The following MICALL2 variants were observed in gnomAD, a reference collection of about 807,000 sequenced individuals.
The protein encoded by MICALL2 is MICAL-like protein 2.
MICALL2 carries 111 observed loss-of-function variants against 91.1 expected under a neutral mutation model. The observed-to-expected ratio is 1.22, with a 90% confidence interval of 1.04 to 1.43. The LOEUF is 1.43. Among genes scored for constraint, MICALL2 ranks in the 40% most tolerant of loss-of-function variants. The probability of loss-of-function intolerance (pLI) is 0.00; values close to 1 mark genes in which losing one functional copy is unlikely to be tolerated. For synonymous variants in MICALL2, 694 were observed against 525.3 expected (o/e 1.32, Z -4.39); for missense variants, 1,556 against 1,236.0 (o/e 1.26, Z -3.88).
In MICALL2 at chr7:1,438,098, T is replaced by A. The variant is rs1300359706; in HGVS notation, c.2310A>T (p.Gly770=). 1.3e-6 allele frequency: 2 copies of A among 1,568,534 alleles called. No homozygotes were observed. Among genetic ancestry groups the A allele is most frequent in the Non-Finnish European group, 1.7e-6 (2 of 1,157,852 alleles). ...ELEKRLRAAE[G]DDAEDSLMVD... The stretch of plus-strand genomic sequence containing the variant: ...CCAGGGCCAGGCCGAGGCGCTCACC[T>A]CCCTCGGCCGCCCGCAGTCGCTTCT... The change falls in exon 12 of 17, where the codon GGA becomes GGT. Residue 770 remains glycine (G), a splice_region_variant and synonymous_variant. Coordinates refer to ENST00000297508, the MANE Select transcript of MICALL2 (RefSeq NM_182924.4).
At chr7:1,434,892 GC>G in intron 16 of MICALL2, 1 of 710,966 alleles carries the variant, frequency 1.4e-6, no homozygotes, top group Non-Finnish European at 2.3e-6. Context: ...GTCACCAGCT[GC>G]CCCTGGCTCT....
In MICALL2 at chr7:1,452,904, G is replaced by GGCC. The variant is rs1780886502; in HGVS notation, c.144-2619_144-2617dup. Among the ~76,000 whole-genome samples the GGCC allele has an allele frequency of 6.6e-6, 1 of 151,914 alleles. No homozygotes were observed. The highest frequency in any genetic ancestry group is 2.4e-5 in the African/African-American group (1 of 41,356). ...ATCCTGCCCCAAGCTCCTTCCCCAG[G>GGCC]GCCGGCCCTCCAGCCTCCAGACCAT... On this transcript the variant is annotated intron_variant, in intron 1 of 16. Transcript: ENST00000297508. The surrounding 1 kb of genome is among the most constrained non-coding windows in gnomAD (Gnocchi z 6.2).
rs1584198876 is a variant in MICALL2, at chr7:1,438,349, T to C, written c.2127A>G (p.Arg709=). 3.7e-6 allele frequency: 6 copies of C among 1,601,302 alleles called. No individual in the cohort carries two copies. The African/African-American group carries it at 8.0e-5, about 21-fold the overall frequency. Residue 709 remains arginine, a synonymous_variant, in exon 11 of 17, where the codon AGA becomes AGG. Transcript: ENST00000297508. ...KKPHLQGKPG[R]PLSPANVPAL... ...CAGGGACATTGGCCGGGGACAAGGG[T>C]CTCCCTGGAGAAGGAGCAGGGTGAG...
At chr7:1,442,164 G>A (rs1156289172) in intron 7 of MICALL2, 28 bp downstream of exon 7, 7 of 1,608,464 alleles carry the variant, frequency 4.4e-6, no homozygotes, top group Non-Finnish European at 5.9e-6. Flanking sequence ...GGCCCCCGGG[G>A]CCTCCTGCCT....
chr7:1,438,053 T>C (rs1319798277), intron 12 of MICALL2, 44 bp downstream of exon 12: 3 of 1,562,946 alleles, frequency 1.9e-6, no homozygotes, highest in Non-Finnish European at 2.6e-6. Flanking sequence ...ACTGAGGGTG[T>C]CTGTGGGAGT....
At chr7:1,458,920 T>C (rs573412424) in intron 1 of MICALL2, among the ~76,000 whole-genome samples, 250 of 152,334 alleles carry the variant, frequency 1.6e-3, no homozygotes, top group African/African-American at 5.6e-3. Context: ...GGGACTGGAC[T>C]GAAGCCAGGG....
chr7:1,440,987 C>G, intron 7 of MICALL2: 1 of 416,010 alleles, frequency 2.4e-6, no homozygotes, highest in South Asian at 2.2e-5. Flanking sequence ...GATCCTCTGT[C>G]CACCTGTGCA....
chr7:1,453,253 G>A (rs902999326), intron 1 of MICALL2, among the ~76,000 whole-genome samples: 5 of 152,132 alleles, frequency 3.3e-5, no homozygotes, highest in African/African-American at 4.8e-5. Context: ...GCCTCCTTTG[G>A]AGATAAGAGA....
chr7:1,434,700 T>C (rs1424636896), intron 16 of MICALL2, 28 bp from the exon 17 acceptor site: 1 of 1,529,092 alleles, frequency 6.5e-7, no homozygotes, highest in Non-Finnish European at 8.8e-7. Flanking sequence ...AGTGAGGCCG[T>C]GCTCAACGCC....
chr7:1,440,169 A>G (rs1039704701), intron 8 of MICALL2, 84 bp from the exon 9 acceptor site: 1 of 1,504,666 alleles, frequency 6.6e-7, no homozygotes, highest in Non-Finnish European at 8.8e-7. Context: ...CCATATGCAG[A>G]CCAGCCGGAG....
chr7:1,438,952 AG>A lies in MICALL2; in HGVS notation c.2009del (p.Pro670LeufsTer55), dbSNP rs1439172173. 1 of 1,603,122 alleles carries A rather than the reference AG, an allele frequency of 6.2e-7. No individual in the cohort carries two copies. Among genetic ancestry groups the A allele is most frequent in the Admixed American group, 1.7e-5 (1 of 59,996 alleles). On this transcript the variant is annotated frameshift_variant, in exon 10 of 17. Coordinates refer to ENST00000297508, the MANE Select transcript of MICALL2 (RefSeq NM_182924.4). LOFTEE classifies it high-confidence loss of function. ...AGTTGTCACAAACGTCGAGGCTGGC[AG>A]GGACGGCCAGTCTCCTGCGGCGGGG... ...SPPRRRRLAV[P>X]ASLDVCDNWL...
In MICALL2 at chr7:1,450,306, G is replaced by C. The variant is rs768784187; in HGVS notation, c.144-18C>G. ...TGAAGTTTCTGGAAGATAAAAACATGATGTCCAAAGCAGCTCAGAGTCCAC... is the reference window on the plus strand; with the variant it reads ...TGAAGTTTCTGGAAGATAAAAACATCATGTCCAAAGCAGCTCAGAGTCCAC... On this transcript the variant is annotated intron_variant, in intron 1 of 16. Transcript: ENST00000297508. 1 of 1,611,026 alleles carries C rather than the reference G, an allele frequency of 6.2e-7. No homozygotes were observed.
rs1206963897 is a variant in MICALL2 at position 1,445,354 on chromosome 7, G to T, written c.716C>A (p.Thr239Asn). ...AGAGGCGGCTGCGGGGAGGTGGCTGGTGCAGACGAAGGTGCCCGGCTCTCC... is the reference window on the plus strand; with the variant it reads ...AGAGGCGGCTGCGGGGAGGTGGCTGTTGCAGACGAAGGTGCCCGGCTCTCC... ...ATGEPGTFVCTSHLPAAASAS... is the reference protein window; with the variant it reads ...ATGEPGTFVCNSHLPAAASAS... The change falls in exon 6 of 17, where the codon ACC becomes AAC. Residue 239 changes from threonine to asparagine, a missense_variant. Physicochemically the swap from Thr to Asn is moderately conservative, Grantham distance 65. Transcript: ENST00000297508. The T allele has an allele frequency of 1.3e-6, 2 of 1,598,348 alleles. No individual in the cohort carries two copies. The highest frequency in any genetic ancestry group is 1.7e-6 in the Non-Finnish European group (2 of 1,176,694).
Position 1,440,584 on chromosome 7 carries a change from C to T in MICALL2, c.1805+7G>A, listed in dbSNP as rs753570642. ...CAGGCCCTGGGCCAGCCCCACCCAT[C>T]CCTAACCTCTCAGCTGGGCTTCTCC... On this transcript the variant is annotated splice_region_variant and intron_variant, in intron 8 of 16. Coordinates refer to ENST00000297508, the MANE Select transcript of MICALL2 (RefSeq NM_182924.4). 2.5e-6 allele frequency: 4 copies of T among 1,612,288 alleles called. No homozygotes were observed. The South Asian group carries it at 4.4e-5, about 18-fold the overall frequency.
At chr7:1,437,173 T>A in intron 14 of MICALL2, 2 of 483,132 alleles carry the variant, frequency 4.1e-6, no homozygotes, top group Non-Finnish European at 3.6e-6. Context: ...CCTGGGCCTG[T>A]GCCCTCAGCC....
intron 16 of MICALL2, 160 bp from the exon 17 acceptor site, chr7:1,434,832 C>G: frequency 1.3e-6 from 1 of 799,836 alleles, no homozygotes; most frequent in South Asian, 1.8e-5. Context: ...CACGTGAGAA[C>G]CTGCCCCGAC....
At chr7:1,438,484 C>A (rs556658340) in intron 10 of MICALL2, 131 bp from the exon 11 acceptor site, 11 of 1,478,104 alleles carry the variant, frequency 7.4e-6, no homozygotes, top group African/African-American at 1.4e-5. Flanking sequence ...ATGCCCCACA[C>A]GCCCACTGGA....
chr7:1,445,458 C>G (rs1780530459), intron 5 of MICALL2, 30 bp from the exon 6 acceptor site: 1 of 1,470,388 alleles, frequency 6.8e-7, no homozygotes, highest in Non-Finnish European at 9.0e-7. Flanking sequence ...GGAGCCCCAG[C>G]TCGGCACCGC....
At chr7:1,436,436 C>A (rs1779967391) in intron 15 of MICALL2, among the ~76,000 whole-genome samples, 1 of 150,908 alleles carries the variant, frequency 6.6e-6, no homozygotes, top group Non-Finnish European at 1.5e-5. Context: ...GCCTGTAATC[C>A]CAGCTACTCG....
Sources: gnomAD v4.1 joint callset for allele counts (sites outside exome capture counted in the v4.1 genomes callset) on GRCh38, gnomAD v4.1.1 for gene constraint, Gnocchi (gnomAD v3.1) non-coding constraint, MANE v1.5 for transcripts, NCBI Gene and HGNC (gene_info 2026-07-23, HGNC 2026-07-21) for gene names.